The following ZNF799 variants were observed in gnomAD, a reference collection of about 807,000 sequenced individuals.
ZNF799 encodes zinc finger protein 14.
Under a neutral mutation model 41.0 loss-of-function variants are expected in ZNF799, and 28 were observed. That is an observed-to-expected ratio of 0.68 (90% CI 0.51 to 0.94). ZNF799 has a LOEUF of 0.94. Among genes scored for constraint, ZNF799 ranks in the 40% least tolerant of loss-of-function variants. The pLI is 0.00. For synonymous variants in ZNF799, 213 were observed against 252.9 expected (o/e 0.84, Z 1.50); for missense variants, 716 against 764.3 (o/e 0.94, Z 0.74).
Position 12,390,329 on chromosome 19 carries a change from A to G in ZNF799, c.*137T>C. On this transcript the variant is annotated 3_prime_UTR_variant, in exon 4 of 4. Coordinates refer to ENST00000430385, the MANE Select transcript of ZNF799 (RefSeq NM_001080821.3). The stretch of plus-strand genomic sequence containing the variant: ...AGGTATCAAGGGATGACTGTACTGG[A>G]AAGAAACTGAAATTACTTAAGGTTT... The G allele has an allele frequency of 6.6e-7, 1 of 1,526,138 alleles. No homozygotes were observed. The highest frequency in any genetic ancestry group is 2.3e-5 in the East Asian group (1 of 43,564). The allele number at this position is 1,526,138 out of a possible 1,614,324, so 94.5% of individuals were successfully genotyped here. A position where few individuals can be genotyped will look rare whatever the true frequency, so the allele number is the denominator to read the frequency against.
At chr19:12,414,461 A>T in the ZNF799 span, among the ~76,000 whole-genome samples, 7 of 152,210 alleles carry the variant, frequency 4.6e-5, no homozygotes, top group Admixed American at 3.9e-4. Context: ...TGTCCAGTGG[A>T]GCCATCCCCT....
intron 1 of ZNF799, among the ~76,000 whole-genome samples, chr19:12,395,424 G>A (rs1969880533): frequency 6.6e-6 from 1 of 152,124 alleles, no homozygotes; most frequent in African/African-American, 2.4e-5. Context: ...TTACAGGTGT[G>A]AGCCACAGTG....
At chr19:12,402,416 C>CT (rs745521629), upstream of ZNF799, among the ~76,000 whole-genome samples, 53,921 of 124,804 alleles carry the variant, frequency 0.43, 13,056 homozygotes, top group African/African-American at 0.63. Flanking sequence ...CCCTTTATTT[C>CT]TTTTTTTTTT....
chr19:12,400,086 G>A (rs1176498658), intron 1 of ZNF799, among the ~76,000 whole-genome samples: 1 of 152,212 alleles, frequency 6.6e-6, no homozygotes, highest in Non-Finnish European at 1.5e-5. Context: ...GCCTGGGGAA[G>A]TCTCTGGAAA....
Position 12,394,761 on chromosome 19 carries a change from A to G in ZNF799, c.4-1338T>C, listed in dbSNP as rs575199811. 30 of 985,270 alleles carry G rather than the reference A, an allele frequency of 3.0e-5. No homozygotes were observed. The South Asian group carries it at 1.1e-3, about 37-fold the overall frequency. 61.0% of individuals were successfully genotyped at this position (985,270 alleles called of 1,614,324 possible). ...ACTAAGAAACTAAAACAAATCTTTT[A>G]GTAGTCAACAAAAATTACATTACCA... On this transcript the variant is annotated intron_variant, in intron 1 of 3. Coordinates refer to ENST00000430385, the MANE Select transcript of ZNF799 (RefSeq NM_001080821.3).
At chr19:12,412,777 C>T in the ZNF799 span, among the ~76,000 whole-genome samples, 2 of 151,960 alleles carry the variant, frequency 1.3e-5, no homozygotes, top group African/African-American at 4.8e-5. Context: ...TGGTGGTTCA[C>T]GCCTGTAATC....
Position 12,390,310 on chromosome 19 carries a change from C to T in ZNF799, c.*156G>A, listed in dbSNP as rs1453640489. 9.3e-6 allele frequency: 13 copies of T among 1,393,322 alleles called. No individual in the cohort carries two copies. The African/African-American group carries it at 1.6e-4, about 17-fold the overall frequency. The allele number at this position is 1,393,322 out of a possible 1,614,324, so 86.3% of individuals were successfully genotyped here. On this transcript the variant is annotated 3_prime_UTR_variant, in exon 4 of 4. Coordinates refer to ENST00000430385, the MANE Select transcript of ZNF799 (RefSeq NM_001080821.3). Reference sequence around the variant, plus strand: ...GCTGGAACCAATACCCAGCAGGTATCAAGGGATGACTGTACTGGAAAGAAA... The same window carrying T: ...GCTGGAACCAATACCCAGCAGGTATTAAGGGATGACTGTACTGGAAAGAAA...
At chr19:12,407,475 G>C in the ZNF799 span, among the ~76,000 whole-genome samples, 1 of 146,070 alleles carries the variant, frequency 6.8e-6, no homozygotes, top group African/African-American at 2.6e-5. Context: ...AAAAAAAAGA[G>C]AGAGAGAGAG....
the ZNF799 span, among the ~76,000 whole-genome samples, chr19:12,408,393 A>G: frequency 1.3e-5 from 2 of 152,236 alleles, no homozygotes; most frequent in South Asian, 2.1e-4. Flanking sequence ...TTACATATGT[A>G]CGTAGTAATC....
chr19:12,414,362 T>G, the ZNF799 span, among the ~76,000 whole-genome samples: 1 of 152,196 alleles, frequency 6.6e-6, no homozygotes, highest in East Asian at 1.9e-4. Flanking sequence ...CATTTGCATG[T>G]GGGCATAATT....
At chr19:12,403,270 T>C (rs1970010503), upstream of ZNF799, among the ~76,000 whole-genome samples, 2 of 152,166 alleles carry the variant, frequency 1.3e-5, no homozygotes, top group African/African-American at 4.8e-5. Flanking sequence ...CAGTATCAAC[T>C]GTAATGTCTC....
In ZNF799 at chr19:12,391,550, C is replaced by T. The variant is rs1050078245; in HGVS notation, c.848G>A (p.Cys283Tyr). Residue 283 changes from cysteine to tyrosine, a missense_variant, in exon 4 of 4, where the codon TGT becomes TAT. Physicochemically the swap from Cys to Tyr is radical, Grantham distance 194. This residue lies in a region of ZNF799 where 698 missense variants were observed against 713.6 expected (regional missense o/e 0.98). Coordinates refer to ENST00000430385, the MANE Select transcript of ZNF799 (RefSeq NM_001080821.3). ...RTHTGKKPYT[C>Y]KQCGKAFSAS... The stretch of plus-strand genomic sequence containing the variant: ...ACTGAAGGCTTTCCCACATTGTTTA[C>T]ATGTATAGGGTTTCTTTCCAGTGTG... 1.2e-6 allele frequency: 2 copies of T among 1,613,944 alleles called. No individual in the cohort carries two copies. The highest frequency in any genetic ancestry group is 1.3e-5 in the African/African-American group (1 of 74,918).
At position 12,396,181 on chromosome 19, in the gene ZNF799, T is replaced by G. The variant is rs1969891620; in HGVS notation, c.4-2758A>C. On this transcript the variant is annotated intron_variant, in intron 1 of 3. Coordinates refer to ENST00000430385, the MANE Select transcript of ZNF799 (RefSeq NM_001080821.3). ...AAAACATGAAAATATGGTTCATCAA[T>G]TGGAAAAAATATAATTGAGATAAGC... 3.9e-5 allele frequency among the ~76,000 whole-genome samples: 6 copies of G among 152,194 alleles called. No individual in the cohort carries two copies. In the South Asian group the frequency reaches 1.2e-3, roughly 31 times the overall value.
chr19:12,390,873 ATG>A lies in ZNF799; in HGVS notation c.1523_1524del (p.Thr508MetfsTer2), dbSNP rs1478384683. 6.2e-7 allele frequency: 1 copy of A among 1,614,112 alleles called. No homozygotes were observed. Among genetic ancestry groups the A allele is most frequent in the Non-Finnish European group, 8.5e-7 (1 of 1,179,998 alleles). On this transcript the variant is annotated frameshift_variant, in exon 4 of 4. Coordinates refer to ENST00000430385, the MANE Select transcript of ZNF799 (RefSeq NM_001080821.3). LOFTEE classifies it high-confidence loss of function. The part of the protein sequence containing the change: ...HTGEKPYECN[T>X]CKKAFSHFGN... The stretch of plus-strand genomic sequence containing the variant: ...CCAAAATGACTGAAGGCTTTCTTAC[ATG>A]TGTTACACTCATAAGGTTTCTCTCC...
At chr19:12,395,470 T>C (rs1308613657) in intron 1 of ZNF799, among the ~76,000 whole-genome samples, 4 of 152,052 alleles carry the variant, frequency 2.6e-5, no homozygotes, top group African/African-American at 9.7e-5. Flanking sequence ...TTATCTACAA[T>C]ACAACACGAT....
At chr19:12,410,254 CATATATATATATATATATATATAT>C in the ZNF799 span, among the ~76,000 whole-genome samples, 317 of 61,996 alleles carry the variant, frequency 5.1e-3, 2 homozygotes, top group African/African-American at 0.017. Flanking sequence ...TGTCTGTGTG[CATATATATATATATATATATATAT>C]ATATATATAT....
chr19:12,393,184 T>G (rs1969851038), intron 2 of ZNF799, 113 bp downstream of exon 2: 1 of 525,582 alleles, frequency 1.9e-6, no homozygotes, highest in Non-Finnish European at 3.5e-6. Flanking sequence ...CCTGTTTTTT[T>G]TTTTCCAGGG....
At chr19:12,398,972 T>C (rs1278368294) in intron 1 of ZNF799, among the ~76,000 whole-genome samples, 11 of 152,238 alleles carry the variant, frequency 7.2e-5, no homozygotes, top group Non-Finnish European at 4.4e-5. Flanking sequence ...AATCCAACTC[T>C]TTCTAGAATT....
chr19:12,397,484 G>A (rs1389974930), intron 1 of ZNF799, among the ~76,000 whole-genome samples: 2 of 150,156 alleles, frequency 1.3e-5, no homozygotes, highest in East Asian at 2.0e-4. Flanking sequence ...AGGATCTCCT[G>A]AGCCCAGGAG....
Sources: gnomAD v4.1 joint callset for allele counts (sites outside exome capture counted in the v4.1 genomes callset) on GRCh38, gnomAD v4.1.1 for gene constraint, gnomAD v4.1.1 regional missense constraint, MANE v1.5 for transcripts, NCBI Gene and HGNC (gene_info 2026-07-23, HGNC 2026-07-21) for gene names.